Variants in DHX35 observed in about 807,000 individuals in gnomAD.
DHX35 encodes probable ATP-dependent RNA helicase DHX35.
DHX35 carries 84 observed loss-of-function variants against 99.6 expected under a neutral mutation model. That is an observed-to-expected ratio of 0.84 (90% CI 0.71 to 1.01). DHX35 has a LOEUF of 1.01. Ranked by LOEUF, DHX35 falls within the 50% of genes least tolerant of loss-of-function variation. The pLI is 0.00. For missense variants in DHX35, 852 were observed against 888.5 expected, an observed-to-expected ratio of 0.96 and a Z score of 0.52; for synonymous variants, 331 against 316.2, an observed-to-expected ratio of 1.05 and a Z score of -0.50.
intron 3 of DHX35, among the ~76,000 whole-genome samples, chr20:38,977,035 C>T (rs767083548): frequency 7.9e-5 from 12 of 152,094 alleles, no homozygotes; most frequent in Non-Finnish European, 1.2e-4. Context: ...TTCCATGTCT[C>T]GGCTGTTGTG....
intron 3 of DHX35, chr20:38,978,132 C>T (rs1450225656): frequency 1.3e-5 from 10 of 784,148 alleles, no homozygotes; most frequent in Admixed American, 5.1e-5. Flanking sequence ...GTAAGACCAC[C>T]GGTGGTATTA....
chr20:39,015,509 GT>G (rs11312989), intron 14 of DHX35, among the ~76,000 whole-genome samples: 21,071 of 152,152 alleles, frequency 0.14, 1,598 homozygotes, highest in East Asian at 0.29. Flanking sequence ...CCTTAATAGC[GT>G]TTATCTTGAC....
intron 21 of DHX35, among the ~76,000 whole-genome samples, chr20:39,036,725 CCAA>C (rs1376557111): frequency 1.4e-3 from 160 of 117,156 alleles, no homozygotes; most frequent in African/African-American, 4.4e-3. Context: ...GACTGTCCCC[CCAA>C]AAAAAAAAAA....
chr20:39,021,765 A>C, intron 15 of DHX35, 76 bp from the exon 16 acceptor site: 1 of 1,393,740 alleles, frequency 7.2e-7, no homozygotes, highest in Non-Finnish European at 1.0e-6. Context: ...TGGTGCAAGG[A>C]AAGTATCAGA....
intron 14 of DHX35, among the ~76,000 whole-genome samples, chr20:39,018,506 G>A (rs1158277245): frequency 6.6e-6 from 1 of 151,838 alleles, no homozygotes; most frequent in Non-Finnish European, 1.5e-5. Flanking sequence ...GTGGATTGAG[G>A]AGAGGGTACA....
At chr20:38,987,625 T>C (rs2145867154) in intron 4 of DHX35, among the ~76,000 whole-genome samples, 1 of 152,384 alleles carries the variant, frequency 6.6e-6, no homozygotes, top group East Asian at 1.9e-4. Context: ...TATTAATAAG[T>C]TAACTTTTGA....
intron 3 of DHX35, among the ~76,000 whole-genome samples, chr20:38,981,170 T>C (rs2086165855): frequency 6.6e-6 from 1 of 152,204 alleles, no homozygotes; most frequent in Admixed American, 6.5e-5. Context: ...CTACTGTCTT[T>C]CCCTTTTTAG....
chr20:38,977,899 TTTTC>T (rs2086107190), intron 3 of DHX35: 1 of 577,584 alleles, frequency 1.7e-6, no homozygotes, highest in African/African-American at 1.9e-5. Context: ...TACTGGGGCT[TTTTC>T]TTCAGTTTCC....
At chr20:39,025,569 A>G (rs1248922574) in intron 18 of DHX35, among the ~76,000 whole-genome samples, 1 of 152,200 alleles carries the variant, frequency 6.6e-6, no homozygotes. Flanking sequence ...TCTGATGGGC[A>G]TTCTTACTAA....
intron 2 of DHX35, among the ~76,000 whole-genome samples, chr20:38,972,004 GTTTTTTT>G (rs752049458): frequency 1.2e-5 from 1 of 81,044 alleles, no homozygotes; most frequent in Non-Finnish European, 2.3e-5. Context: ...GTTTTGTTTT[GTTTTTTT>G]TTTTTTTTTT....
At chr20:39,035,607 A>G (rs1480985201) in intron 21 of DHX35, among the ~76,000 whole-genome samples, 1 of 152,202 alleles carries the variant, frequency 6.6e-6, no homozygotes, top group East Asian at 1.9e-4. Context: ...CTTGAAAGAC[A>G]TGTTTAGTCT....
intron 13 of DHX35, among the ~76,000 whole-genome samples, chr20:39,010,637 C>G (rs1184014719): frequency 6.6e-6 from 1 of 152,112 alleles, no homozygotes; most frequent in Non-Finnish European, 1.5e-5. Flanking sequence ...GGAATAGAGA[C>G]AAGTAAGTGG....
At chr20:39,016,868 C>CT (rs777635952) in intron 14 of DHX35, among the ~76,000 whole-genome samples, 3,072 of 106,442 alleles carry the variant, frequency 0.029, 45 homozygotes, top group African/African-American at 0.03. Context: ...GTGCTGTTGT[C>CT]TTTTTTTTTT....
rs778778856 is a variant in DHX35, at chr20:39,001,843, G to A, written c.755+1G>A. 1 of 1,600,112 alleles carries A rather than the reference G, an allele frequency of 6.2e-7. No homozygotes were observed. The highest frequency in any genetic ancestry group is 1.1e-5 in the South Asian group (1 of 89,912). Reference sequence around the variant, plus strand: ...CGGTGGATATCTTTTATCTACAAAGGTTTGATGATGCTTGAATTCTGGATG... The same window carrying A: ...CGGTGGATATCTTTTATCTACAAAGATTTGATGATGCTTGAATTCTGGATG... On this transcript the variant is annotated splice_donor_variant, in intron 9 of 21. Coordinates refer to ENST00000252011, the MANE Select transcript of DHX35 (RefSeq NM_021931.4). LOFTEE classifies it high-confidence loss of function.
chr20:38,971,989 T>TTTTTG (rs1247115922), intron 2 of DHX35, among the ~76,000 whole-genome samples: 17 of 142,514 alleles, frequency 1.2e-4, no homozygotes, highest in African/African-American at 2.9e-4. Flanking sequence ...TTTCTTGTTT[T>TTTTTG]TTTTGTTTTG....
intron 19 of DHX35, chr20:39,030,031 G>A (rs2087022341): frequency 6.6e-6 from 1 of 150,726 alleles, no homozygotes; most frequent in African/African-American, 2.5e-5. Flanking sequence ...CCATGCTAGA[G>A]TGCAATGGGG....
chr20:38,998,605 C>G (rs1409405266), intron 8 of DHX35, among the ~76,000 whole-genome samples: 1 of 152,202 alleles, frequency 6.6e-6, no homozygotes, highest in Non-Finnish European at 1.5e-5. Flanking sequence ...CCACCTCTTT[C>G]AAACCTGACT....
At chr20:38,981,590 G>T (rs2086173032) in intron 3 of DHX35, among the ~76,000 whole-genome samples, 1 of 152,074 alleles carries the variant, frequency 6.6e-6, no homozygotes, top group African/African-American at 2.4e-5. Flanking sequence ...TTTCAGGCTT[G>T]TCTTATATTT....
chr20:39,010,337 T>TG lies in DHX35; in HGVS notation c.1282dup (p.Ala428GlyfsTer13). On this transcript the variant is annotated frameshift_variant, in exon 13 of 22. Coordinates refer to ENST00000252011, the MANE Select transcript of DHX35 (RefSeq NM_021931.4). LOFTEE classifies it high-confidence loss of function. ...GTTCCTGAGATGCAGCGTAGTAATT[T>TG]GGCACCTGTCATCCTGCAGCTGAAA... is the stretch of plus-strand genomic sequence containing the variant. 6.2e-7 allele frequency: 1 copy of TG among 1,614,170 alleles called. No homozygotes were observed. The highest frequency in any genetic ancestry group is 8.5e-7 in the Non-Finnish European group (1 of 1,180,032).
Sources: allele counts gnomAD v4.1 joint callset (sites outside exome capture counted in the v4.1 genomes callset), GRCh38; gene constraint gnomAD v4.1.1; transcripts MANE v1.5; gene names NCBI Gene and HGNC (gene_info 2026-07-23, HGNC 2026-07-21).